Variants in GNG2 observed in about 807,000 individuals in gnomAD.
GNG2 encodes the protein G protein subunit gamma 2.
A neutral mutation model predicts 5.5 loss-of-function variants in GNG2; 5 were observed. That is an observed-to-expected ratio of 0.91 (90% confidence interval 0.48 to 1.92). The LOEUF (loss-of-function observed/expected upper bound fraction) is 1.92. Among genes scored for constraint, GNG2 ranks in the 30% most tolerant of loss-of-function variants. The probability of loss-of-function intolerance (pLI) is 0.01; values close to 1 mark genes in which losing one functional copy is unlikely to be tolerated. For missense variants in GNG2, 55 were observed against 88.4 expected (o/e 0.62, Z 1.52); for synonymous variants, 28 against 32.0 (o/e 0.88, Z 0.42).
At chr14:51,921,762 T>C (rs1887026775) in intron 2 of GNG2, among the ~76,000 whole-genome samples, 1 of 151,668 alleles carries the variant, frequency 6.6e-6, no homozygotes, top group South Asian at 2.1e-4. Flanking sequence ...GTTTTTGCTC[T>C]ACTTAAGCAA....
At chr14:51,867,441 G>T (rs1442180506) in intron 1 of GNG2, among the ~76,000 whole-genome samples, 1 of 152,094 alleles carries the variant, frequency 6.6e-6, no homozygotes, top group Non-Finnish European at 1.5e-5. Context: ...TTTCATAATT[G>T]TTAATGACAC....
intron 2 of GNG2, among the ~76,000 whole-genome samples, chr14:51,885,615 G>A (rs113385565): frequency 8.2e-5 from 12 of 145,532 alleles, no homozygotes; most frequent in East Asian, 4.0e-4. Context: ...ACACACCCCC[G>A]CCCCCAAACA....
At chr14:51,829,762 A>G (rs904448157) in intron 2 of GNG2, among the ~76,000 whole-genome samples, 1 of 151,968 alleles carries the variant, frequency 6.6e-6, no homozygotes, top group African/African-American at 2.4e-5. Flanking sequence ...ACCACCAGAG[A>G]CATCCACTGC....
intron 2 of GNG2, among the ~76,000 whole-genome samples, chr14:51,880,984 A>C (rs889329586): frequency 2.0e-5 from 3 of 150,922 alleles, no homozygotes; most frequent in South Asian, 2.1e-4. Flanking sequence ...AAAAAAAAAA[A>C]AAAACCCTGA....
intron 3 of GNG2, among the ~76,000 whole-genome samples, chr14:51,961,649 G>A (rs1484937057): frequency 1.3e-5 from 2 of 152,340 alleles, no homozygotes; most frequent in South Asian, 2.1e-4. Flanking sequence ...CACTGTGGAT[G>A]AGGCGATCAG....
chr14:51,844,253 C>T (rs190649343), intron 2 of GNG2, among the ~76,000 whole-genome samples: 1 of 152,220 alleles, frequency 6.6e-6, no homozygotes, highest in African/African-American at 2.4e-5. Context: ...ATATTTGATT[C>T]TCTGTCATAA....
In GNG2 at chr14:51,968,772, A is replaced by T. The variant is rs1267367654; in HGVS notation, c.*2085A>T. 1.3e-5 allele frequency: 2 copies of T among 152,228 alleles called. No homozygotes were observed. Among genetic ancestry groups the T allele is most frequent in the Non-Finnish European group, 1.5e-5 (1 of 68,040 alleles). 9.4% of individuals were successfully genotyped at this position (152,228 alleles called of 1,614,324 possible). On this transcript the variant is annotated 3_prime_UTR_variant, in exon 4 of 4. Coordinates refer to ENST00000556766, the MANE Select transcript of GNG2 (RefSeq NM_053064.5). ...GAATTGAGTATGTGGTCACATGAAA[A>T]CACGGATGAATGAATAAAACACTCT...
chr14:51,895,828 C>T (rs35803539), intron 2 of GNG2, among the ~76,000 whole-genome samples: 71,724 of 151,926 alleles, frequency 0.47, 16,990 homozygotes, highest in Non-Finnish European at 0.48. Flanking sequence ...GCTGTTCTTG[C>T]GATAGTGAAT....
intron 2 of GNG2, among the ~76,000 whole-genome samples, chr14:51,851,790 G>A (rs576892346): frequency 2.0e-5 from 3 of 152,280 alleles, no homozygotes; most frequent in Non-Finnish European, 2.9e-5. Flanking sequence ...CTTCTCAGCT[G>A]TGGGGCATGA....
chr14:51,882,700 T>C (rs1018125192), intron 2 of GNG2, among the ~76,000 whole-genome samples: 1 of 152,064 alleles, frequency 6.6e-6, no homozygotes. Context: ...ATCAGCTAGG[T>C]TGGAAAGTTT....
At chr14:51,966,251 C>T in intron 3 of GNG2, among the ~76,000 whole-genome samples, 1 of 123,122 alleles carries the variant, frequency 8.1e-6, no homozygotes, top group African/African-American at 3.0e-5. Flanking sequence ...ATGAAGGAGA[C>T]AGCCACCTGC....
At chr14:51,901,327 C>A (rs1414744439) in intron 2 of GNG2, among the ~76,000 whole-genome samples, 1 of 151,932 alleles carries the variant, frequency 6.6e-6, no homozygotes, top group Non-Finnish European at 1.5e-5. Flanking sequence ...GCTGGGACCA[C>A]AGGTGTGCAC....
chr14:51,834,583 G>A (rs1374755085), intron 2 of GNG2, among the ~76,000 whole-genome samples: 1 of 152,208 alleles, frequency 6.6e-6, no homozygotes, highest in Non-Finnish European at 1.5e-5. Context: ...TGTGTTGCGT[G>A]GATACCAATG....
At chr14:51,845,424 G>C (rs1410748239) in intron 2 of GNG2, among the ~76,000 whole-genome samples, 1 of 152,184 alleles carries the variant, frequency 6.6e-6, no homozygotes, top group Non-Finnish European at 1.5e-5. Flanking sequence ...AACCCAGGAG[G>C]TCAAGGCTGC....
chr14:51,949,793 C>T (rs1261167074), intron 2 of GNG2, among the ~76,000 whole-genome samples: 2 of 151,948 alleles, frequency 1.3e-5, no homozygotes, highest in African/African-American at 4.8e-5. Context: ...AAGGTATTTT[C>T]CAAGATGAAC....
chr14:51,868,737 A>T (rs1233776234), intron 1 of GNG2, among the ~76,000 whole-genome samples: 1 of 152,234 alleles, frequency 6.6e-6, no homozygotes, highest in African/African-American at 2.4e-5. Flanking sequence ...TCTACAAACT[A>T]TGTCTTTTTC....
chr14:51,852,770 C>A (rs1256245556), intron 2 of GNG2, among the ~76,000 whole-genome samples: 2 of 152,204 alleles, frequency 1.3e-5, no homozygotes, highest in African/African-American at 2.4e-5. Flanking sequence ...TAACGGAAAT[C>A]ATTTTAGCAA....
At chr14:51,938,322 T>C (rs942527470) in intron 2 of GNG2, among the ~76,000 whole-genome samples, 15 of 152,346 alleles carry the variant, frequency 9.8e-5, no homozygotes, top group Admixed American at 5.9e-4. Context: ...TCTTTCTTCA[T>C]GTTCTTTGTT....
At chr14:51,827,426 G>A (rs1194517818) in intron 1 of GNG2, among the ~76,000 whole-genome samples, 7 of 152,170 alleles carry the variant, frequency 4.6e-5, no homozygotes, top group Admixed American at 2.0e-4. Context: ...GCCTTAACAA[G>A]CCTTCCAGGT....
Sources: gnomAD v4.1 joint callset for allele counts (sites outside exome capture counted in the v4.1 genomes callset) on GRCh38, gnomAD v4.1.1 for gene constraint, MANE v1.5 for transcripts, NCBI Gene and HGNC (gene_info 2026-07-23, HGNC 2026-07-21) for gene names.